NR5A2: variants seen among roughly 807,000 people sequenced by gnomAD.
NR5A2 encodes the protein nuclear receptor subfamily 5 group A member 2, also known as CYP7A promoter-binding factor.
Under a neutral mutation model 62.7 loss-of-function variants are expected in NR5A2, and 26 were observed. The observed-to-expected ratio is 0.41, with a 90% confidence interval of 0.30 to 0.58. The LOEUF is 0.58. Ranked by LOEUF, NR5A2 falls within the 20% of genes least tolerant of loss-of-function variation. The pLI is 0.22. For missense variants in NR5A2, 541 were observed against 669.1 expected (o/e 0.81, Z 2.11); for synonymous variants, 246 against 241.7 (o/e 1.02, Z -0.16).
At chr1:200,116,200 T>C (rs1666206801) in intron 6 of NR5A2, among the ~76,000 whole-genome samples, 1 of 152,174 alleles carries the variant, frequency 6.6e-6, no homozygotes, top group South Asian at 2.1e-4. Flanking sequence ...CTTGAAAGCA[T>C]GTATGTCATG....
At chr1:200,031,006 C>A (rs764074689) in intron 1 of NR5A2, among the ~76,000 whole-genome samples, 2 of 152,172 alleles carry the variant, frequency 1.3e-5, no homozygotes, top group Non-Finnish European at 2.9e-5. Flanking sequence ...CATTATGTCA[C>A]CCTAACCTCC....
chr1:200,170,548 C>G (rs1654124678), intron 7 of NR5A2, among the ~76,000 whole-genome samples: 1 of 152,192 alleles, frequency 6.6e-6, no homozygotes. Flanking sequence ...CACTTAATCT[C>G]TTCCATTGCT....
intron 7 of NR5A2, among the ~76,000 whole-genome samples, chr1:200,150,207 A>T (rs1230690725): frequency 2.0e-5 from 3 of 152,212 alleles, no homozygotes; most frequent in Admixed American, 2.0e-4. Context: ...CCAAAATCAA[A>T]TTAAAACTTA....
rs754122981 is a variant in NR5A2 at position 200,039,825 on chromosome 1, C to T, written c.202+30C>T. 1.3e-6 allele frequency: 2 copies of T among 1,583,318 alleles called. No individual in the cohort carries two copies. The highest frequency in any genetic ancestry group is 8.6e-7 in the Non-Finnish European group (1 of 1,167,820). ...GGAGGCGCCGCGCGGCGCTCCGGCT[C>T]CCGCTGCTTCCCCACCCCCGGGCTC... is the stretch of plus-strand genomic sequence containing the variant. On this transcript the variant is annotated intron_variant, in intron 2 of 7. Coordinates refer to ENST00000367362, the MANE Select transcript of NR5A2 (RefSeq NM_205860.3). This position sits in a 1 kb window ranked among gnomAD's most constrained non-coding sequence, Gnocchi z 5.1.
intron 5 of NR5A2, among the ~76,000 whole-genome samples, chr1:200,097,201 T>C (rs1175192873): frequency 1.3e-5 from 2 of 152,244 alleles, no homozygotes; most frequent in Non-Finnish European, 2.9e-5. Context: ...AGATCAACAC[T>C]TAAATTGGGT....
intron 7 of NR5A2, among the ~76,000 whole-genome samples, chr1:200,171,821 A>G (rs1416213809): frequency 6.6e-6 from 1 of 152,206 alleles, no homozygotes; most frequent in African/African-American, 2.4e-5. Flanking sequence ...TATAATAGTA[A>G]GTGGATAAAC....
chr1:200,171,195 C>T (rs1571590698), intron 7 of NR5A2, among the ~76,000 whole-genome samples: 1 of 152,240 alleles, frequency 6.6e-6, no homozygotes, highest in East Asian at 1.9e-4. Flanking sequence ...GATGTAGAAA[C>T]AAAATAGACA....
chr1:200,031,195 T>C (rs1661534714), intron 1 of NR5A2, among the ~76,000 whole-genome samples: 1 of 151,982 alleles, frequency 6.6e-6, no homozygotes. Context: ...GATCCACAGG[T>C]AGTGACCAGA....
chr1:200,130,255 G>A (rs536613019), intron 7 of NR5A2, among the ~76,000 whole-genome samples: 11 of 137,510 alleles, frequency 8.0e-5, no homozygotes, highest in African/African-American at 2.9e-4. Context: ...ATCCAACAGA[G>A]ATCTGCTTGC....
At position 200,048,927 on chromosome 1, in the gene NR5A2, CT is replaced by C. The variant is rs1662510605; in HGVS notation, c.1110+112del. On this transcript the variant is annotated intron_variant, in intron 5 of 7. Coordinates refer to ENST00000367362, the MANE Select transcript of NR5A2 (RefSeq NM_205860.3). The surrounding 1 kb of genome is among the most constrained non-coding windows in gnomAD (Gnocchi z 4.8). Reference sequence around the variant, plus strand: ...AAAATATGTGTTCCTTAATTTTCTACTTTGTATGATTTACAGAGTAGACGTA... The same window carrying C: ...AAAATATGTGTTCCTTAATTTTCTACTTGTATGATTTACAGAGTAGACGTA... 7.4e-7 allele frequency: 1 copy of C among 1,352,150 alleles called. No homozygotes were observed. The highest frequency in any genetic ancestry group is 1.0e-6 in the Non-Finnish European group (1 of 984,436). 83.8% of individuals were successfully genotyped at this position (1,352,150 alleles called of 1,614,324 possible).
At chr1:200,128,254 G>C (rs1666815810) in intron 7 of NR5A2, among the ~76,000 whole-genome samples, 1 of 152,146 alleles carries the variant, frequency 6.6e-6, no homozygotes, top group African/African-American at 2.4e-5. Context: ...ATCTGTGTTT[G>C]GCTGAGAAAA....
chr1:200,154,554 A>T (rs1312380927), intron 7 of NR5A2, among the ~76,000 whole-genome samples: 1 of 152,202 alleles, frequency 6.6e-6, no homozygotes, highest in Non-Finnish European at 1.5e-5. Flanking sequence ...TAAACTGGTC[A>T]TTAAAGGAGC....
intron 5 of NR5A2, among the ~76,000 whole-genome samples, chr1:200,067,483 G>A (rs750276602): frequency 1.3e-5 from 2 of 152,216 alleles, no homozygotes; most frequent in African/African-American, 2.4e-5. Context: ...TTGAACCTGG[G>A]AGGTGGAGGT....
At chr1:200,088,625 G>C (rs372625810) in intron 5 of NR5A2, among the ~76,000 whole-genome samples, 3 of 152,092 alleles carry the variant, frequency 2.0e-5, no homozygotes, top group Non-Finnish European at 4.4e-5. Context: ...AATGTGCAAA[G>C]CTCCCCTCCT....
chr1:200,172,951 C>T (rs12145993), intron 7 of NR5A2, among the ~76,000 whole-genome samples: 9,747 of 152,172 alleles, frequency 0.064, 373 homozygotes, highest in South Asian at 0.15. Flanking sequence ...AACACACACA[C>T]GTATCTGTCT....
In NR5A2 at chr1:200,117,188, G is replaced by A. The variant is rs1266481376; in HGVS notation, c.1231-3620G>A. Reference sequence around the variant, plus strand: ...GAGAGCAAAAAATTAATTTTACTAAGTACATAAAAGACAAGGCCAACTGCT... The same window carrying A: ...GAGAGCAAAAAATTAATTTTACTAAATACATAAAAGACAAGGCCAACTGCT... On this transcript the variant is annotated intron_variant, in intron 6 of 7. Transcript: ENST00000367362. 4.6e-5 allele frequency among the ~76,000 whole-genome samples: 7 copies of A among 152,214 alleles called. No homozygotes were observed. The East Asian group carries it at 1.3e-3, about 29-fold the overall frequency.
intron 5 of NR5A2, among the ~76,000 whole-genome samples, chr1:200,087,168 A>G (rs1425288412): frequency 6.6e-6 from 1 of 151,846 alleles, no homozygotes; most frequent in Admixed American, 6.6e-5. Context: ...CAGCCCATGC[A>G]TACTCTTCCT....
intron 1 of NR5A2, among the ~76,000 whole-genome samples, chr1:200,032,550 A>G (rs1186826132): frequency 6.6e-6 from 1 of 152,220 alleles, no homozygotes; most frequent in East Asian, 1.9e-4. Flanking sequence ...AAGACAATCA[A>G]GTTAGCAAGC....
At chr1:200,073,460 G>A (rs1323615951) in intron 5 of NR5A2, among the ~76,000 whole-genome samples, 1 of 151,056 alleles carries the variant, frequency 6.6e-6, no homozygotes, top group African/African-American at 2.4e-5. Context: ...TATAAAAATG[G>A]CACAGTATTT....
Sources: allele counts gnomAD v4.1 joint callset (sites outside exome capture counted in the v4.1 genomes callset), GRCh38; gene constraint gnomAD v4.1.1; non-coding constraint Gnocchi (gnomAD v3.1); transcripts MANE v1.5; gene names NCBI Gene and HGNC (gene_info 2026-07-23, HGNC 2026-07-21).